The following DNAH8 variants were observed in gnomAD, a reference collection of about 807,000 sequenced individuals.
DNAH8 encodes axonemal beta dynein heavy chain 8.
Under a neutral mutation model 562.1 loss-of-function variants are expected in DNAH8, and 382 were observed. That is an observed-to-expected ratio of 0.68 (90% CI 0.63 to 0.74). DNAH8 has a LOEUF of 0.74. Among genes scored for constraint, DNAH8 ranks in the 30% least tolerant of loss-of-function variants. DNAH8 has a pLI of 0.00. For synonymous variants in DNAH8, 1,881 were observed against 1,919.4 expected, an observed-to-expected ratio of 0.98 and a Z score of 0.52; for missense variants, 5,203 against 5,620.4, an observed-to-expected ratio of 0.93 and a Z score of 2.37.
At chr6:38,849,896 C>T (rs1412333188) in intron 37 of DNAH8, among the ~76,000 whole-genome samples, 2 of 152,022 alleles carry the variant, frequency 1.3e-5, no homozygotes, top group African/African-American at 2.4e-5. Context: ...TTTCATGCTT[C>T]TTCAGTTTGC....
At chr6:38,829,227 T>C (rs1033199380) in intron 30 of DNAH8, among the ~76,000 whole-genome samples, 7 of 152,152 alleles carry the variant, frequency 4.6e-5, no homozygotes, top group African/African-American at 1.7e-4. Flanking sequence ...TTATATATTA[T>C]GGATACAAGT....
chr6:38,951,000 G>A (rs1022068292), intron 81 of DNAH8, among the ~76,000 whole-genome samples: 1 of 152,094 alleles, frequency 6.6e-6, no homozygotes, highest in Non-Finnish European at 1.5e-5. Context: ...TGGCATATTG[G>A]TTCCTCCTCT....
chr6:38,948,399 C>T (rs1761607103), intron 80 of DNAH8, among the ~76,000 whole-genome samples: 1 of 151,996 alleles, frequency 6.6e-6, no homozygotes, highest in Non-Finnish European at 1.5e-5. Flanking sequence ...AGTGCAATGG[C>T]ACAATCTTGG....
At position 38,883,344 on chromosome 6, in the gene DNAH8, A is replaced by G; in HGVS notation, c.8024A>G (p.Gln2675Arg). 1 of 1,612,258 alleles carries G rather than the reference A, an allele frequency of 6.2e-7. No homozygotes were observed. The highest frequency in any genetic ancestry group is 1.1e-5 in the South Asian group (1 of 90,642). Residue 2675 changes from glutamine to arginine, a missense_variant, in exon 55 of 93, where the codon CAG becomes CGG. Around this residue, in one of 6 missense-constraint regions of DNAH8, gnomAD observed 977 missense variants for 1,061.8 expected, o/e 0.92. Transcript: ENST00000327475. ...CAGGCTGTTTTGCTCACAGGAGAGC[A>G]GGGAACTGCAAAAACTGTCATGGTT... is the stretch of plus-strand genomic sequence containing the variant. ...QHKAVLLTGE[Q>R]GTAKTVMVKA...
rs757864213 is a variant in DNAH8 at position 39,026,544 on chromosome 6, A to G, written c.13715-2A>G. 17 of 1,600,590 alleles carry G rather than the reference A, an allele frequency of 1.1e-5. No individual in the cohort carries two copies. The highest frequency in any genetic ancestry group is 1.4e-5 in the Non-Finnish European group (17 of 1,174,984). The stretch of plus-strand genomic sequence containing the variant: ...TCAACATCTCTTCTTTTTTTCTTTA[A>G]GGCTTCCTCACAGCAATGAGGCAAG... On this transcript the variant is annotated splice_acceptor_variant, in intron 91 of 92. Transcript: ENST00000327475. LOFTEE classifies it high-confidence loss of function.
chr6:38,914,948 T>G (rs1347542058), intron 67 of DNAH8, among the ~76,000 whole-genome samples: 1 of 152,148 alleles, frequency 6.6e-6, no homozygotes, highest in East Asian at 1.9e-4. Flanking sequence ...AAAATACTAT[T>G]TCTTCTGAAA....
intron 43 of DNAH8, among the ~76,000 whole-genome samples, chr6:38,861,525 G>T (rs972097903): frequency 2.0e-5 from 3 of 152,066 alleles, no homozygotes; most frequent in Non-Finnish European, 4.4e-5. Context: ...TGGTGTGCTG[G>T]AGCTGACTTG....
rs143397128 is a variant in DNAH8, at chr6:38,870,557, G to A, written c.6985G>A (p.Val2329Met). 1.1e-5 allele frequency: 17 copies of A among 1,613,230 alleles called. No individual in the cohort carries two copies. Among genetic ancestry groups the A allele is most frequent in the East Asian group, 2.2e-5 (1 of 44,778 alleles). ...CCATCCACCCTGGAACCTGAAACTC[G>A]TGCAGGTAAAGACATTTTAATCTAT... is the stretch of plus-strand genomic sequence containing the variant. ...INHPPWNLKLVQLYETSLVRH... is the reference protein window; with the variant it reads ...INHPPWNLKLMQLYETSLVRH... The change falls in exon 49 of 93, where the codon GTG (valine) becomes ATG (methionine). Residue 2329 changes from valine to methionine, a missense_variant. Transcript: ENST00000327475.
In DNAH8 at chr6:38,783,035, G is replaced by A. The variant is rs781642105; in HGVS notation, c.2291G>A (p.Gly764Asp). 1.1e-5 allele frequency: 17 copies of A among 1,613,786 alleles called. No homozygotes were observed. Among genetic ancestry groups the A allele is most frequent in the African/African-American group, 1.3e-5 (1 of 74,902 alleles). The change falls in exon 17 of 93, where the codon GGT becomes GAT. Residue 764 changes from glycine (G) to aspartate (D), a missense_variant. Physicochemically the swap from Gly to Asp is moderately conservative, Grantham distance 94. This residue lies in a region of DNAH8 where 2,176 missense variants were observed against 2,365.1 expected (regional missense o/e 0.92). Coordinates refer to ENST00000327475, the MANE Select transcript of DNAH8 (RefSeq NM_001206927.2). Reference protein sequence around the residue: ...KNSDILSSPDGKAVIRQYNKI... With the variant: ...KNSDILSSPDDKAVIRQYNKI... ...TCAGACATTTTATCAAGTCCGGACG[G>A]TAAAGCTGTCATCCGTCAGTATAAC... is the stretch of plus-strand genomic sequence containing the variant.
chr6:38,997,867 C>T (rs1765242803), intron 88 of DNAH8, among the ~76,000 whole-genome samples: 2 of 152,196 alleles, frequency 1.3e-5, no homozygotes, highest in Non-Finnish European at 2.9e-5. Context: ...AAGCGGTTCT[C>T]ATGTCTCAGC....
intron 88 of DNAH8, among the ~76,000 whole-genome samples, chr6:38,996,043 C>T (rs1010906737): frequency 6.6e-6 from 1 of 152,234 alleles, no homozygotes; most frequent in African/African-American, 2.4e-5. Context: ...CTCCTCTTCA[C>T]AGGGTTCTCC....
At chr6:38,746,211 A>C (rs1374703060) in intron 8 of DNAH8, among the ~76,000 whole-genome samples, 1 of 152,052 alleles carries the variant, frequency 6.6e-6, no homozygotes, top group African/African-American at 2.4e-5. Flanking sequence ...CCTCATGGGT[A>C]TTTATTTCAT....
chr6:39,025,431 T>C (rs1156990912), intron 91 of DNAH8, among the ~76,000 whole-genome samples: 2 of 152,176 alleles, frequency 1.3e-5, no homozygotes, highest in East Asian at 3.8e-4. Flanking sequence ...GCTTGGTACA[T>C]GGTGGCCACT....
chr6:38,836,816 G>C (rs186244149), intron 32 of DNAH8, among the ~76,000 whole-genome samples: 164 of 152,170 alleles, frequency 1.1e-3, no homozygotes, highest in African/African-American at 3.8e-3. Flanking sequence ...CACCCTGCTG[G>C]CCTGTTGACA....
chr6:38,794,159 G>A (rs1326794653), intron 21 of DNAH8, among the ~76,000 whole-genome samples: 1 of 151,892 alleles, frequency 6.6e-6, no homozygotes, highest in Non-Finnish European at 1.5e-5. Flanking sequence ...CTCCCCGCCA[G>A]CCCAGAGCCT....
intron 76 of DNAH8, among the ~76,000 whole-genome samples, chr6:38,933,555 T>C (rs908031308): frequency 1.3e-5 from 2 of 152,196 alleles, no homozygotes; most frequent in Admixed American, 6.5e-5. Flanking sequence ...TGCTATGATA[T>C]CTGTTTTTCC....
chr6:38,884,783 T>C (rs1303828696), intron 56 of DNAH8, among the ~76,000 whole-genome samples: 1 of 152,132 alleles, frequency 6.6e-6, no homozygotes, highest in Admixed American at 6.6e-5. Flanking sequence ...CAAACAACTA[T>C]TTATTTATTT....
In DNAH8 at chr6:38,769,219, A is replaced by T. The variant is rs1384156117; in HGVS notation, c.1618-1194A>T. On this transcript the variant is annotated intron_variant, in intron 11 of 92. Transcript: ENST00000327475. ...ACTGTTATTCAGAGCCAACTCATTT[A>T]AAAAAATTTTTTTATTATACTTTAA... 1.3e-5 allele frequency among the ~76,000 whole-genome samples: 2 copies of T among 152,200 alleles called. 1 individual carries two copies. The highest frequency in any genetic ancestry group is 2.9e-5 in the Non-Finnish European group (2 of 68,030).
chr6:38,859,876 T>C (rs958307546), intron 42 of DNAH8, among the ~76,000 whole-genome samples: 1 of 152,204 alleles, frequency 6.6e-6, no homozygotes, highest in South Asian at 2.1e-4. Flanking sequence ...CCGACTGCTA[T>C]GAAGACAATT....
Sources: allele counts gnomAD v4.1 joint callset (sites outside exome capture counted in the v4.1 genomes callset), GRCh38; gene constraint gnomAD v4.1.1; regional missense constraint gnomAD v4.1.1; transcripts MANE v1.5; gene names NCBI Gene and HGNC (gene_info 2026-07-23, HGNC 2026-07-21).